The following ATP2C2 variants were observed in gnomAD, a reference collection of about 807,000 sequenced individuals.
ATP2C2 encodes calcium-transporting ATPase type 2C member 2.
Under a neutral mutation model 110.8 loss-of-function variants are expected in ATP2C2, and 171 were observed. The ratio of observed to expected loss-of-function variants is 1.54; its 90% CI spans 1.36 to 1.75. The LOEUF (loss-of-function observed/expected upper bound fraction) is 1.75, where lower values mean the gene tolerates loss of function less well. Ranked by LOEUF, ATP2C2 falls within the 40% of genes most tolerant of loss-of-function variation. The pLI is 0.00. For missense variants in ATP2C2, 1,963 were observed against 1,235.0 expected, an observed-to-expected ratio of 1.59 and a Z score of -8.84; for synonymous variants, 804 against 508.4, an observed-to-expected ratio of 1.58 and a Z score of -7.82.
intron 11 of ATP2C2, among the ~76,000 whole-genome samples, chr16:84,431,158 C>A (rs1908244281): frequency 6.6e-6 from 1 of 152,092 alleles, no homozygotes; most frequent in Non-Finnish European, 1.5e-5. Flanking sequence ...ATAATTACAA[C>A]TTATGAGTGC....
At chr16:84,390,272 C>T (rs1439841199) in intron 1 of ATP2C2, among the ~76,000 whole-genome samples, 1 of 152,234 alleles carries the variant, frequency 6.6e-6, no homozygotes, top group Non-Finnish European at 1.5e-5. Context: ...AGGCTGTTCG[C>T]CCGGAGGTGC....
intron 19 of ATP2C2, 27 bp downstream of exon 19, chr16:84,453,262 G>A (rs770027063): frequency 6.2e-7 from 1 of 1,614,078 alleles, no homozygotes; most frequent in Non-Finnish European, 8.5e-7. Context: ...TTGGCTGGCA[G>A]TGGGGCTGGG....
At chr16:84,415,409 T>C (rs1018895619) in intron 6 of ATP2C2, 74 bp from the exon 7 acceptor site, 17 of 1,230,866 alleles carry the variant, frequency 1.4e-5, no homozygotes, top group Non-Finnish European at 1.9e-5. Context: ...CTATTCTCCT[T>C]GTTCAAATGT....
intron 20 of ATP2C2, among the ~76,000 whole-genome samples, chr16:84,454,114 C>T (rs1016854040): frequency 2.0e-5 from 3 of 152,096 alleles, no homozygotes; most frequent in Non-Finnish European, 4.4e-5. Context: ...GTGCTGGGTG[C>T]TTTTTGGCTT....
At chr16:84,454,185 A>T (rs906415157) in intron 20 of ATP2C2, among the ~76,000 whole-genome samples, 1 of 152,106 alleles carries the variant, frequency 6.6e-6, no homozygotes, top group African/African-American at 2.4e-5. Flanking sequence ...GGAACTATTA[A>T]TGCCGTCAGC....
At chr16:84,408,527 G>T (rs755514091) in intron 4 of ATP2C2, 33 bp downstream of exon 4, 10 of 1,574,124 alleles carry the variant, frequency 6.4e-6, no homozygotes, top group Middle Eastern at 1.7e-4. Flanking sequence ...GCTCCCGGGC[G>T]GGCAGCCACA....
At chr16:84,400,065 G>C (rs1015114603) in intron 2 of ATP2C2, among the ~76,000 whole-genome samples, 5 of 152,176 alleles carry the variant, frequency 3.3e-5, no homozygotes, top group African/African-American at 7.2e-5. Flanking sequence ...ATGACCTCCA[G>C]TTCCATCCAT....
At chr16:84,450,136 T>C (rs536812670) in intron 17 of ATP2C2, among the ~76,000 whole-genome samples, 91 of 152,320 alleles carry the variant, frequency 6.0e-4, no homozygotes, top group African/African-American at 2.0e-3. Context: ...AGTGAGACCT[T>C]TTCCTGTCTT....
chr16:84,460,375 A>G, intron 23 of ATP2C2: 1 of 496,270 alleles, frequency 2.0e-6, no homozygotes, highest in Non-Finnish European at 3.7e-6. Flanking sequence ...GGTGATGGAG[A>G]TCATCTGGGT....
chr16:84,460,503 G>C (rs777153777), intron 23 of ATP2C2, 151 bp from the exon 24 acceptor site: 1 of 1,037,066 alleles, frequency 9.6e-7, no homozygotes, highest in Non-Finnish European at 1.5e-6. Flanking sequence ...AGGTGCCGAG[G>C]AGGGCAGGTG....
intron 1 of ATP2C2, among the ~76,000 whole-genome samples, chr16:84,376,942 T>G (rs1910284717): frequency 6.6e-6 from 1 of 152,252 alleles, no homozygotes; most frequent in African/African-American, 2.4e-5. Context: ...ATACCTCCCC[T>G]GTGGACTGTC....
At chr16:84,415,415 A>C (rs1906742293) in intron 6 of ATP2C2, 68 bp from the exon 7 acceptor site, 1 of 1,287,794 alleles carries the variant, frequency 7.8e-7, no homozygotes, top group South Asian at 1.2e-5. Flanking sequence ...TCCTTGTTCA[A>C]ATGTATCAAG....
At chr16:84,441,951 T>C (rs1909297964) in intron 14 of ATP2C2, among the ~76,000 whole-genome samples, 1 of 98,088 alleles carries the variant, frequency 1.0e-5, no homozygotes, top group Admixed American at 1.2e-4. Context: ...AACAAAAATA[T>C]GCAAAACTAG....
intron 1 of ATP2C2, among the ~76,000 whole-genome samples, chr16:84,397,367 G>A (rs1209494304): frequency 1.3e-5 from 2 of 151,546 alleles, no homozygotes; most frequent in Non-Finnish European, 2.9e-5. Flanking sequence ...CTGCAATATG[G>A]TGCATACTTG....
In ATP2C2 at chr16:84,370,743, C is replaced by T. The variant is rs144754731; in HGVS notation, c.99+2029C>T. 3.2e-3 allele frequency among the ~76,000 whole-genome samples: 488 copies of T among 151,668 alleles called. 3 individuals are homozygous for T. Among genetic ancestry groups the T allele is most frequent in the African/African-American group, 9.8e-3 (403 of 41,322 alleles). On this transcript the variant is annotated intron_variant, in intron 1 of 26. Transcript: ENST00000262429. ...TTCCATTTTCACTCCTCAATAGAACCGTCTTTTATGAGCACTAATTACATG... is the reference window on the plus strand; with the variant it reads ...TTCCATTTTCACTCCTCAATAGAACTGTCTTTTATGAGCACTAATTACATG...
At chr16:84,392,329 T>C (rs1904709994) in intron 1 of ATP2C2, among the ~76,000 whole-genome samples, 1 of 152,152 alleles carries the variant, frequency 6.6e-6, no homozygotes, top group African/African-American at 2.4e-5. Flanking sequence ...AAATCAAATA[T>C]TGGCCAATAT....
chr16:84,459,639 G>A (rs1911073581), intron 23 of ATP2C2: 1 of 1,477,750 alleles, frequency 6.8e-7, no homozygotes, highest in Non-Finnish European at 9.1e-7. Flanking sequence ...CTCTCTCTGG[G>A]CAACCTGCAT....
chr16:84,422,817 A>C, intron 9 of ATP2C2, 120 bp downstream of exon 9: 1 of 1,103,276 alleles, frequency 9.1e-7, no homozygotes, highest in East Asian at 2.5e-5. Flanking sequence ...ATATGAGTAT[A>C]CTTTTTAAAC....
chr16:84,384,257 G>T (rs1306738774), intron 1 of ATP2C2, among the ~76,000 whole-genome samples: 1 of 152,212 alleles, frequency 6.6e-6, no homozygotes, highest in Non-Finnish European at 1.5e-5. Flanking sequence ...CTCCTTCTGT[G>T]TGGAATACTC....
Sources: allele counts gnomAD v4.1 joint callset (sites outside exome capture counted in the v4.1 genomes callset), GRCh38; gene constraint gnomAD v4.1.1; transcripts MANE v1.5; gene names NCBI Gene and HGNC (gene_info 2026-07-23, HGNC 2026-07-21).